The following EPHA6 variants were observed in gnomAD, a reference collection of about 807,000 sequenced individuals.
EPHA6 encodes the protein ephrin type-A receptor 6.
In EPHA6, 50 loss-of-function variants were observed where a neutral mutation model predicts 112.0. The observed-to-expected ratio is 0.45, with a 90% CI of 0.36 to 0.56. The LOEUF is 0.56. EPHA6 is among the 20% of genes least tolerant of loss of function. The pLI, the probability that EPHA6 is intolerant of heterozygous loss-of-function variation, is 0.00. For synonymous variants in EPHA6, 529 were observed against 490.7 expected (o/e 1.08, Z -1.03); for missense variants, 1,280 against 1,417.4 (o/e 0.90, Z 1.56).
intron 6 of EPHA6, among the ~76,000 whole-genome samples, chr3:97,416,115 G>T (rs2088103284): frequency 2.6e-5 from 4 of 151,820 alleles, no homozygotes. Context: ...ACTTCACCTT[G>T]TACTAATATT....
In EPHA6 at chr3:97,640,339, C is replaced by T. The variant is rs944348248; in HGVS notation, c.2784+2257C>T. On this transcript the variant is annotated intron_variant, in intron 14 of 17. Transcript: ENST00000389672. ...TTTGGGGCCATAGGCAATGGAGGGG[C>T]CAATTTTCCTGGAATAAATGTAAAG... Among the ~76,000 whole-genome samples, 3 of 152,030 alleles carry T rather than the reference C, an allele frequency of 2.0e-5. No homozygotes were observed. In the South Asian group the frequency reaches 6.2e-4, roughly 31 times the overall value.
At chr3:97,021,273 C>T (rs938857209) in intron 3 of EPHA6, among the ~76,000 whole-genome samples, 3 of 151,394 alleles carry the variant, frequency 2.0e-5, no homozygotes, top group South Asian at 2.1e-4. Context: ...TCTTTTGCTT[C>T]GTTTTATCTT....
At chr3:97,212,176 G>A (rs964944489) in intron 3 of EPHA6, among the ~76,000 whole-genome samples, 6 of 152,004 alleles carry the variant, frequency 3.9e-5, no homozygotes, top group Non-Finnish European at 8.8e-5. Context: ...CTCTGACTAG[G>A]GGATAAAAAT....
chr3:97,113,789 C>A (rs2047798815), intron 3 of EPHA6, among the ~76,000 whole-genome samples: 1 of 151,972 alleles, frequency 6.6e-6, no homozygotes, highest in African/African-American at 2.4e-5. Flanking sequence ...GTAAAGAGTT[C>A]TTTCAAAAAT....
intron 3 of EPHA6, among the ~76,000 whole-genome samples, chr3:97,139,502 A>G (rs2075844667): frequency 6.6e-6 from 1 of 152,166 alleles, no homozygotes; most frequent in Non-Finnish European, 1.5e-5. Flanking sequence ...ATGAGCCTGC[A>G]CACACTCACA....
intron 2 of EPHA6, among the ~76,000 whole-genome samples, chr3:96,891,703 G>A (rs1206388429): frequency 6.6e-6 from 1 of 152,138 alleles, no homozygotes; most frequent in Non-Finnish European, 1.5e-5. Flanking sequence ...GAGTGGAACT[G>A]TCTCAAAATA....
intron 14 of EPHA6, among the ~76,000 whole-genome samples, chr3:97,640,560 C>T (rs774887955): frequency 1.1e-4 from 16 of 151,546 alleles, no homozygotes; most frequent in South Asian, 2.1e-4. Context: ...CACCTGAGGT[C>T]GGAAGCTAGA....
At chr3:97,520,928 T>G (rs1009088261) in intron 10 of EPHA6, among the ~76,000 whole-genome samples, 1 of 152,166 alleles carries the variant, frequency 6.6e-6, no homozygotes, top group Admixed American at 6.5e-5. Flanking sequence ...GACTGGTTTT[T>G]GTGAAAAGAC....
chr3:97,053,083 A>G lies in EPHA6; in HGVS notation c.1114+65090A>G, dbSNP rs2045738179. Among the ~76,000 whole-genome samples, 3 of 152,100 alleles carry G rather than the reference A, an allele frequency of 2.0e-5. No homozygotes were observed. The South Asian group carries it at 6.2e-4, about 31-fold the overall frequency. ...GACTGGAAGTGTTAAAAGCATAGGG[A>G]TTAATTAAGCGACTTATATAGGATA... On this transcript the variant is annotated intron_variant, in intron 3 of 17. Transcript: ENST00000389672.
chr3:97,579,389 T>C (rs1029251681), intron 11 of EPHA6, among the ~76,000 whole-genome samples: 6 of 152,222 alleles, frequency 3.9e-5, no homozygotes, highest in African/African-American at 7.2e-5. Flanking sequence ...TGAGTATAAA[T>C]GGGCACCTCT....
chr3:97,025,962 G>A (rs972162647), intron 3 of EPHA6, among the ~76,000 whole-genome samples: 3 of 151,966 alleles, frequency 2.0e-5, no homozygotes, highest in Admixed American at 6.6e-5. Context: ...TCAATCTTCC[G>A]CCTATGGCTA....
chr3:97,638,958 C>A lies in EPHA6; in HGVS notation c.2784+876C>A, dbSNP rs559495001. 4.5e-3 allele frequency among the ~76,000 whole-genome samples: 678 copies of A among 152,056 alleles called. 4 individuals carry two copies. The highest frequency in any genetic ancestry group is 0.015 in the African/African-American group (623 of 41,496). ...AAAGATGCAACTTCATTATTGAGTCCTTTTTTATTTCATGCTCTATGAGTT... is the reference window on the plus strand; with the variant it reads ...AAAGATGCAACTTCATTATTGAGTCATTTTTTATTTCATGCTCTATGAGTT... On this transcript the variant is annotated intron_variant, in intron 14 of 17. Coordinates refer to ENST00000389672, the MANE Select transcript of EPHA6 (RefSeq NM_001080448.3).
chr3:97,047,534 G>A (rs1440958122), intron 3 of EPHA6, among the ~76,000 whole-genome samples: 5 of 148,208 alleles, frequency 3.4e-5, no homozygotes, highest in Non-Finnish European at 5.9e-5. Flanking sequence ...AACCAGAAGA[G>A]AAGTGGAAAT....
intron 14 of EPHA6, among the ~76,000 whole-genome samples, chr3:97,714,694 T>A: frequency 6.6e-6 from 1 of 152,222 alleles, no homozygotes; most frequent in East Asian, 1.9e-4. Context: ...TTCTAACTAG[T>A]GAATTTGAGA....
intron 13 of EPHA6, among the ~76,000 whole-genome samples, chr3:97,633,679 C>A (rs573560950): frequency 6.6e-6 from 1 of 152,170 alleles, no homozygotes; most frequent in Non-Finnish European, 1.5e-5. Flanking sequence ...CAATAACAAC[C>A]ATTGCACCAC....
chr3:97,712,383 C>T (rs2034012925), intron 14 of EPHA6, among the ~76,000 whole-genome samples: 1 of 152,126 alleles, frequency 6.6e-6, no homozygotes, highest in African/African-American at 2.4e-5. Context: ...CTCATTTTAA[C>T]ATATTATCAG....
intron 6 of EPHA6, among the ~76,000 whole-genome samples, chr3:97,434,128 G>A (rs554546115): frequency 4.6e-5 from 7 of 152,146 alleles, no homozygotes; most frequent in African/African-American, 1.7e-4. Flanking sequence ...TCTAACATAG[G>A]TAATATGTAA....
At chr3:97,384,299 C>G (rs536830511) in intron 5 of EPHA6, among the ~76,000 whole-genome samples, 6 of 152,194 alleles carry the variant, frequency 3.9e-5, no homozygotes, top group Admixed American at 3.9e-4. Flanking sequence ...ATGAAGGAAA[C>G]AGAGAAGTTA....
chr3:97,615,087 G>A (rs947033708), intron 13 of EPHA6, among the ~76,000 whole-genome samples: 6 of 152,118 alleles, frequency 3.9e-5, no homozygotes, highest in South Asian at 2.1e-4. Flanking sequence ...ACTGATCAGG[G>A]AAACAGTTTG....
Sources: gnomAD v4.1 joint callset for allele counts (sites outside exome capture counted in the v4.1 genomes callset) on GRCh38, gnomAD v4.1.1 for gene constraint, MANE v1.5 for transcripts, NCBI Gene and HGNC (gene_info 2026-07-23, HGNC 2026-07-21) for gene names.